SLC38A1: variants seen among roughly 807,000 people sequenced by gnomAD.
SLC38A1 encodes sodium-coupled neutral amino acid symporter 1.
In SLC38A1, 18 loss-of-function variants were observed where a neutral mutation model predicts 60.3. The ratio of observed to expected loss-of-function variants is 0.30; its 90% confidence interval spans 0.21 to 0.44. The LOEUF (loss-of-function observed/expected upper bound fraction) is 0.44. SLC38A1 is among the 20% of genes least tolerant of loss of function. The probability of loss-of-function intolerance (pLI) is 1.00; values close to 1 mark genes in which losing one functional copy is unlikely to be tolerated. For synonymous variants in SLC38A1, 196 were observed against 212.1 expected (o/e 0.92, Z 0.66); for missense variants, 448 against 587.2 (o/e 0.76, Z 2.45).
intron 5 of SLC38A1, among the ~76,000 whole-genome samples, chr12:46,226,617 CTTTTTTTTTTTTTTT>C (rs199599486): frequency 8.1e-6 from 1 of 122,980 alleles, no homozygotes; most frequent in African/African-American, 2.9e-5. Context: ...CATGGATTTC[CTTTTTTTTTTTTTTT>C]TTTTTTTTTT....
chr12:46,259,301 G>A (rs1942128649), intron 1 of SLC38A1, among the ~76,000 whole-genome samples: 1 of 152,158 alleles, frequency 6.6e-6, no homozygotes, highest in Non-Finnish European at 1.5e-5. Flanking sequence ...AGATGATAGT[G>A]ATAAGGATCT....
chr12:46,198,479 A>T, intron 14 of SLC38A1, 146 bp downstream of exon 14: 1 of 586,662 alleles, frequency 1.7e-6, no homozygotes, highest in Middle Eastern at 4.4e-4. Flanking sequence ...AAAGAGCCTG[A>T]ACCGAGTCTT....
Position 46,204,334 on chromosome 12 carries a change from C to G in SLC38A1, c.789G>C (p.Thr263=). ...TISANSTNAD[T]CTPKYVTFNS... ...TGAAGGTAACATATTTTGGCGTACA[C>G]GTGTCAGCATTTGTTGAATTAGCAC... Residue 263 remains threonine (T), a synonymous_variant, in exon 11 of 17, where the codon ACG becomes ACC. Coordinates refer to ENST00000398637, the MANE Select transcript of SLC38A1 (RefSeq NM_030674.4). 1.2e-6 allele frequency: 2 copies of G among 1,612,904 alleles called. No homozygotes were observed. Among genetic ancestry groups the G allele is most frequent in the Non-Finnish European group, 1.7e-6 (2 of 1,179,016 alleles).
In SLC38A1 at chr12:46,183,095, A is replaced by G. The variant is rs1938821199; in HGVS notation, c.*5875T>C. 6.6e-6 allele frequency: 1 copy of G among 152,536 alleles called. No individual in the cohort carries two copies. Among genetic ancestry groups the G allele is most frequent in the Non-Finnish European group, 1.5e-5 (1 of 68,024 alleles). The allele number at this position is 152,536 out of a possible 1,614,324, so 9.4% of individuals were successfully genotyped here. A position where few individuals can be genotyped will look rare whatever the true frequency, so the allele number is the denominator to read the frequency against. On this transcript the variant is annotated 3_prime_UTR_variant, in exon 17 of 17. Coordinates refer to ENST00000398637, the MANE Select transcript of SLC38A1 (RefSeq NM_030674.4). ...AGTTCACATTTTTTAATGTTTAAAA[A>G]CTATGTTAACAGAGCAGTTATAGAA...
chr12:46,229,742 C>T (rs1341571229), intron 3 of SLC38A1, 103 bp from the exon 4 acceptor site: 14 of 999,166 alleles, frequency 1.4e-5, no homozygotes, highest in Non-Finnish European at 2.0e-5. Context: ...TGAACAGTTA[C>T]CAATCAGCTC....
intron 5 of SLC38A1, among the ~76,000 whole-genome samples, chr12:46,223,151 A>G (rs1940724842): frequency 1.3e-5 from 2 of 152,192 alleles, no homozygotes; most frequent in South Asian, 2.1e-4. Context: ...GTTTTAGATC[A>G]CGCTGGCTCT....
At position 46,185,570 on chromosome 12, in the gene SLC38A1, G is replaced by A. The variant is rs540994721; in HGVS notation, c.*3400C>T. On this transcript the variant is annotated 3_prime_UTR_variant, in exon 17 of 17. Transcript: ENST00000398637. Reference sequence around the variant, plus strand: ...GCACTAAAAACATTAAAAGTGCTGCGCGCTGGCCTCAATGACTGGTACATT... The same window carrying A: ...GCACTAAAAACATTAAAAGTGCTGCACGCTGGCCTCAATGACTGGTACATT... The A allele has an allele frequency of 1.3e-5, 2 of 151,828 alleles. No homozygotes were observed. Among genetic ancestry groups the A allele is most frequent in the African/African-American group, 4.8e-5 (2 of 41,280 alleles). 9.4% of individuals were successfully genotyped at this position (151,828 alleles called of 1,614,324 possible). A position where few individuals can be genotyped will look rare whatever the true frequency, so the allele number is the denominator to read the frequency against.
chr12:46,196,757 C>A (rs1314041013), intron 16 of SLC38A1, among the ~76,000 whole-genome samples: 1 of 152,074 alleles, frequency 6.6e-6, no homozygotes, highest in Non-Finnish European at 1.5e-5. Context: ...AAGCCTTCTC[C>A]AAGACCAAGC....
chr12:46,241,140 C>T (rs981624759), intron 2 of SLC38A1, among the ~76,000 whole-genome samples: 2 of 152,040 alleles, frequency 1.3e-5, no homozygotes, highest in African/African-American at 4.8e-5. Flanking sequence ...AGCAGAATGT[C>T]AATGAGCTGG....
At chr12:46,210,816 C>T (rs1304207324) in intron 5 of SLC38A1, among the ~76,000 whole-genome samples, 3 of 152,198 alleles carry the variant, frequency 2.0e-5, no homozygotes, top group African/African-American at 7.2e-5. Context: ...CCACGTGGAA[C>T]TGTGAGTCTG....
At position 46,199,288 on chromosome 12, in the gene SLC38A1, A is replaced by T. The variant is rs1313503241; in HGVS notation, c.1004-545T>A. Among the ~76,000 whole-genome samples, 5 of 151,148 alleles carry T rather than the reference A, an allele frequency of 3.3e-5. No individual in the cohort carries two copies. In the South Asian group the frequency reaches 6.3e-4, roughly 19 times the overall value. ...TATGTTGTTCTTGTAAAAAAAAAAA[A>T]ATTAGTTTATGTACTACTTTGTGTG... On this transcript the variant is annotated intron_variant, in intron 13 of 16. Coordinates refer to ENST00000398637, the MANE Select transcript of SLC38A1 (RefSeq NM_030674.4).
chr12:46,251,287 G>C (rs1285785063), intron 1 of SLC38A1, among the ~76,000 whole-genome samples: 1 of 152,324 alleles, frequency 6.6e-6, no homozygotes, highest in African/African-American at 2.4e-5. Context: ...AAACTGACTA[G>C]CCATGTGTAG....
rs780767095 is a variant in SLC38A1, at chr12:46,197,871, T to G, written c.1264+48A>C. Reference sequence around the variant, plus strand: ...AGCATTGCTATTGTGAAAATTTCCCTGCAAACAGCTACTGTAGAATGACAA... The same window carrying G: ...AGCATTGCTATTGTGAAAATTTCCCGGCAAACAGCTACTGTAGAATGACAA... On this transcript the variant is annotated intron_variant, in intron 15 of 16. Transcript: ENST00000398637. The G allele has an allele frequency of 1.2e-5, 19 of 1,605,576 alleles. No individual in the cohort carries two copies. The Admixed American group carries it at 3.1e-4, about 26-fold the overall frequency.
chr12:46,211,624 A>G (rs1940175553), intron 5 of SLC38A1, among the ~76,000 whole-genome samples: 1 of 152,210 alleles, frequency 6.6e-6, no homozygotes. Flanking sequence ...TGAGCATCAT[A>G]AACTGCTATC....
At chr12:46,209,975 T>C (rs1173023587) in intron 5 of SLC38A1, among the ~76,000 whole-genome samples, 2 of 152,226 alleles carry the variant, frequency 1.3e-5, no homozygotes. Flanking sequence ...AACCGCTCAC[T>C]TCCTGATGTG....
At chr12:46,257,232 C>T (rs778787518) in intron 1 of SLC38A1, among the ~76,000 whole-genome samples, 1 of 152,162 alleles carries the variant, frequency 6.6e-6, no homozygotes, top group South Asian at 2.1e-4. Context: ...GCAGAGACTG[C>T]CAGGCAGATT....
chr12:46,259,849 T>C (rs1385358288), intron 1 of SLC38A1, among the ~76,000 whole-genome samples: 6 of 152,172 alleles, frequency 3.9e-5, no homozygotes, highest in Admixed American at 3.9e-4. Flanking sequence ...TAACTCTGTC[T>C]AGAACCTTGA....
intron 3 of SLC38A1, 91 bp from the exon 4 acceptor site, chr12:46,229,730 C>T: frequency 1.6e-5 from 18 of 1,107,454 alleles, no homozygotes; most frequent in Non-Finnish European, 2.5e-5. Context: ...TCAAAACATA[C>T]ATGAACAGTT....
chr12:46,253,417 G>C (rs1252926045), intron 1 of SLC38A1, among the ~76,000 whole-genome samples: 1 of 152,212 alleles, frequency 6.6e-6, no homozygotes, highest in African/African-American at 2.4e-5. Context: ...GCTAAACAAA[G>C]TGGATTATTC....
Sources: gnomAD v4.1 joint callset for allele counts (sites outside exome capture counted in the v4.1 genomes callset) on GRCh38, gnomAD v4.1.1 for gene constraint, MANE v1.5 for transcripts, NCBI Gene and HGNC (gene_info 2026-07-23, HGNC 2026-07-21) for gene names.